Variants in NCOA1 observed in about 807,000 individuals in gnomAD.
The protein encoded by NCOA1 is nuclear receptor coactivator 1.
A neutral mutation model predicts 150.9 loss-of-function variants in NCOA1; 35 were observed. The ratio of observed to expected loss-of-function variants is 0.23; its 90% CI spans 0.18 to 0.31. NCOA1 has a LOEUF of 0.31. NCOA1 is among the 10% of genes least tolerant of loss of function. The pLI is 1.00. For missense variants in NCOA1, 1,491 were observed against 1,749.3 expected, an observed-to-expected ratio of 0.85 and a Z score of 2.63; for synonymous variants, 590 against 630.0, an observed-to-expected ratio of 0.94 and a Z score of 0.95.
At chr2:24,552,343 ATATATATATATTTTTTTTTTTTTTT>A (rs1665877998) in intron 1 of NCOA1, among the ~76,000 whole-genome samples, 1 of 28,848 alleles carries the variant, frequency 3.5e-5, no homozygotes, top group African/African-American at 1.4e-4. Context: ...ATATATATAT[ATATATATATATTTTTTTTTTTTTTT>A]TTTTTTTTTT....
intron 8 of NCOA1, among the ~76,000 whole-genome samples, chr2:24,687,164 C>T (rs1301096368): frequency 3.3e-5 from 5 of 151,950 alleles, no homozygotes; most frequent in Non-Finnish European, 5.9e-5. Flanking sequence ...ACCATTCCTC[C>T]ACCTCTTTTC....
chr2:24,741,550 T>TA (rs373509698), intron 18 of NCOA1, among the ~76,000 whole-genome samples: 143 of 152,344 alleles, frequency 9.4e-4, no homozygotes, highest in African/African-American at 2.3e-3. Flanking sequence ...AATGGTCAGA[T>TA]ATTGTTTAGC....
At chr2:24,595,006 G>A (rs1411010882) in intron 3 of NCOA1, among the ~76,000 whole-genome samples, 4 of 151,758 alleles carry the variant, frequency 2.6e-5, no homozygotes, top group African/African-American at 9.7e-5. Context: ...GTTTAACTTC[G>A]GAATTCTAAA....
At chr2:24,560,064 G>A (rs954980539) in intron 1 of NCOA1, among the ~76,000 whole-genome samples, 4 of 152,086 alleles carry the variant, frequency 2.6e-5, no homozygotes, top group African/African-American at 9.7e-5. Context: ...GCTCTCTCTG[G>A]TTTCCTGGCC....
intron 10 of NCOA1, among the ~76,000 whole-genome samples, chr2:24,696,901 CTTG>C (rs1170763941): frequency 6.6e-6 from 1 of 151,510 alleles, no homozygotes; most frequent in Non-Finnish European, 1.5e-5. Flanking sequence ...CTATATATAT[CTTG>C]TATTATTTTG....
At chr2:24,634,616 G>A (rs571077179) in intron 3 of NCOA1, among the ~76,000 whole-genome samples, 1 of 151,486 alleles carries the variant, frequency 6.6e-6, no homozygotes, top group South Asian at 2.1e-4. Context: ...ACTAGGAATT[G>A]GAAGCTTCAG....
chr2:24,576,163 GTTTT>G lies in NCOA1; in HGVS notation c.-259-8310_-259-8307del, dbSNP rs1491073238. On this transcript the variant is annotated intron_variant, in intron 2 of 22. Transcript: ENST00000348332. ...ATTTGGCCTTTGTTTTTTTTTTTTT[GTTTT>G]TTGTTTTTTTTTTTTTTTTTTTTTG... is the stretch of plus-strand genomic sequence containing the variant. 3.0e-4 allele frequency among the ~76,000 whole-genome samples: 28 copies of G among 92,712 alleles called. No individual in the cohort carries two copies. The South Asian group carries it at 7.4e-3, about 25-fold the overall frequency. 60.8% of individuals were successfully genotyped at this position (92,712 alleles called of 152,430 possible).
chr2:24,761,629 G>A (rs1558347320), intron 21 of NCOA1, among the ~76,000 whole-genome samples: 2 of 151,920 alleles, frequency 1.3e-5, no homozygotes, highest in African/African-American at 2.4e-5. Flanking sequence ...TTTTCATTAT[G>A]CATCATATTT....
intron 3 of NCOA1, among the ~76,000 whole-genome samples, chr2:24,602,546 A>G (rs1361629296): frequency 6.6e-6 from 1 of 152,204 alleles, no homozygotes; most frequent in Non-Finnish European, 1.5e-5. Flanking sequence ...TTCCAAATTT[A>G]CGTAGTAACT....
chr2:24,743,309 T>G (rs1351499808), intron 19 of NCOA1, among the ~76,000 whole-genome samples: 1 of 152,226 alleles, frequency 6.6e-6, no homozygotes, highest in African/African-American at 2.4e-5. Flanking sequence ...GGCAGTATGC[T>G]TATCAGTTTT....
At chr2:24,637,663 A>G (rs777388774) in intron 3 of NCOA1, among the ~76,000 whole-genome samples, 2 of 152,004 alleles carry the variant, frequency 1.3e-5, no homozygotes, top group Non-Finnish European at 2.9e-5. Context: ...GTTTGAAACT[A>G]TACAATATAT....
At chr2:24,501,534 C>A (rs935754110) in intron 1 of NCOA1, among the ~76,000 whole-genome samples, 11 of 151,956 alleles carry the variant, frequency 7.2e-5, no homozygotes, top group African/African-American at 2.7e-4. Flanking sequence ...TTTTAATTTC[C>A]TTTTTTGTAT....
Position 24,642,185 on chromosome 2 carries a change from CTGT to C in NCOA1, c.-174-1776_-174-1774del, listed in dbSNP as rs140958835. 2.4e-3 allele frequency among the ~76,000 whole-genome samples: 369 copies of C among 151,902 alleles called. 8 individuals are homozygous for C. In the East Asian group the frequency reaches 0.063, roughly 26 times the overall value. On this transcript the variant is annotated intron_variant, in intron 3 of 22. Transcript: ENST00000348332. The stretch of plus-strand genomic sequence containing the variant: ...GACTTGTTTTTCTGCTGTCACAAAT[CTGT>C]TGTTAAGTCTGGCCAGTGAATCTTA...
At chr2:24,655,125 C>G (rs1014411338) in intron 4 of NCOA1, among the ~76,000 whole-genome samples, 2 of 152,144 alleles carry the variant, frequency 1.3e-5, no homozygotes, top group Admixed American at 6.5e-5. Context: ...TGCTCTATCT[C>G]TAGTGCGTAG....
chr2:24,721,958 AT>A (rs1674376659), intron 14 of NCOA1, among the ~76,000 whole-genome samples: 1 of 152,084 alleles, frequency 6.6e-6, no homozygotes, highest in Non-Finnish European at 1.5e-5. Context: ...TCGGCTGTAG[AT>A]TTGTGTTCCC....
intron 14 of NCOA1, among the ~76,000 whole-genome samples, chr2:24,717,544 T>A (rs150739142): frequency 6.6e-6 from 1 of 152,284 alleles, no homozygotes; most frequent in East Asian, 1.9e-4. Context: ...ATGTGATAAG[T>A]ATCATACCTA....
rs142021169 is a variant in NCOA1 at position 24,730,786 on chromosome 2, G to A, written c.3201+971G>A. Among the ~76,000 whole-genome samples, 1,304 of 149,618 alleles carry A rather than the reference G, an allele frequency of 8.7e-3. 14 individuals are homozygous for A. The highest frequency in any genetic ancestry group is 0.029 in the African/African-American group (1,168 of 40,790). On this transcript the variant is annotated intron_variant, in intron 17 of 22. Transcript: ENST00000348332. ...CACGCCTCTAATCCCAGCACTTTGG[G>A]AGACCAAGGCGGGTGGATCACTTGA...
At chr2:24,703,108 G>T (rs574425984) in intron 11 of NCOA1, among the ~76,000 whole-genome samples, 1 of 152,140 alleles carries the variant, frequency 6.6e-6, no homozygotes, top group East Asian at 1.9e-4. Context: ...GCTAGGCTCC[G>T]TGCTAGATAT....
chr2:24,674,311 T>G (rs1671810881), intron 7 of NCOA1, among the ~76,000 whole-genome samples: 1 of 151,944 alleles, frequency 6.6e-6, no homozygotes, highest in Admixed American at 6.6e-5. Flanking sequence ...GTTCATGACA[T>G]TCTCCTGCCT....
Sources: allele counts gnomAD v4.1 joint callset (sites outside exome capture counted in the v4.1 genomes callset), GRCh38; gene constraint gnomAD v4.1.1; transcripts MANE v1.5; gene names NCBI Gene and HGNC (gene_info 2026-07-23, HGNC 2026-07-21).